Variants in FERMT3 observed in about 807,000 individuals in gnomAD.
FERMT3 encodes FERM domain containing kindlin 3.
In FERMT3, 33 loss-of-function variants were observed where a neutral mutation model predicts 80.8. The observed-to-expected ratio is 0.41, with a 90% CI of 0.31 to 0.55. FERMT3 has a LOEUF of 0.55. Among genes scored for constraint, FERMT3 ranks in the 20% least tolerant of loss-of-function variants. The probability of loss-of-function intolerance (pLI) is 0.31; values close to 1 mark genes in which losing one functional copy is unlikely to be tolerated. For missense variants in FERMT3, 754 were observed against 908.7 expected, an observed-to-expected ratio of 0.83 and a Z score of 2.19; for synonymous variants, 375 against 372.2, an observed-to-expected ratio of 1.01 and a Z score of -0.09.
chr11:64,207,455 T>A lies in FERMT3; in HGVS notation c.91T>A (p.Ser31Thr). ...GGGAGAGGAGGACCCAGAGGCCGAG[T>A]CGGTCACCCTGCGGGTCACTGGGGA... Reference protein sequence around the residue: ...FVGEEDPEAESVTLRVTGESH... With the variant: ...FVGEEDPEAETVTLRVTGESH... Residue 31 changes from serine to threonine, a missense_variant, in exon 2 of 15, where the codon TCG (serine) becomes ACG (threonine). Coordinates refer to ENST00000345728, the MANE Select transcript of FERMT3 (RefSeq NM_031471.6). 6.2e-7 allele frequency: 1 copy of A among 1,613,968 alleles called. No homozygotes were observed. Among genetic ancestry groups the A allele is most frequent in the Non-Finnish European group, 8.5e-7 (1 of 1,179,998 alleles).
At chr11:64,222,614 C>T (rs537152667) in intron 13 of FERMT3, among the ~76,000 whole-genome samples, 3 of 149,584 alleles carry the variant, frequency 2.0e-5, no homozygotes, top group Non-Finnish European at 4.4e-5. Context: ...AGCAGAAGAA[C>T]CAGTTCTTGC....
chr11:64,220,814 C>T (rs1281492185), intron 12 of FERMT3, 145 bp downstream of exon 12: 10 of 1,275,894 alleles, frequency 7.8e-6, no homozygotes, highest in Non-Finnish European at 1.1e-5. Context: ...GGCTGGTACC[C>T]ACCCTTTGGG....
At position 64,219,291 on chromosome 11, in the gene FERMT3, G is replaced by A. The variant is rs777040462; in HGVS notation, c.827G>A (p.Arg276Gln). The change falls in exon 7 of 15, where the codon CGG (arginine) becomes CAG (glutamine). Residue 276 changes from arginine to glutamine, a missense_variant. Coordinates refer to ENST00000345728, the MANE Select transcript of FERMT3 (RefSeq NM_031471.6). The surrounding 1 kb of genome is among the most constrained non-coding windows in gnomAD (Gnocchi z 4.0). ...VRLTQLYEQA[R>Q]WDLLLEEIDC... ...CTGACACAGCTGTATGAGCAGGCCC[G>A]GTGGGACCTGCTGCTGGAGGAGATT... is the stretch of plus-strand genomic sequence containing the variant. The A allele has an allele frequency of 2.2e-5, 36 of 1,608,452 alleles. No homozygotes were observed. Among genetic ancestry groups the A allele is most frequent in the Non-Finnish European group, 3.0e-5 (35 of 1,177,776 alleles).
chr11:64,217,935 G>A (rs905660040), intron 6 of FERMT3, among the ~76,000 whole-genome samples: 4 of 151,706 alleles, frequency 2.6e-5, no homozygotes, highest in South Asian at 2.1e-4. Context: ...AGGCCCTAGC[G>A]CTCTCTGCAT....
Position 64,207,406 on chromosome 11 carries a change from G to T in FERMT3, c.42G>T (p.Ser14=), listed in dbSNP as rs1179556498. The change falls in exon 2 of 15, where the codon TCG becomes TCT. Residue 14 remains serine, a synonymous_variant. Coordinates refer to ENST00000345728, the MANE Select transcript of FERMT3 (RefSeq NM_031471.6). Reference sequence around the variant, plus strand: ...CAGCCTCCGGGGACTACATCGACTCGTCATGGGAGCTGCGGGTGTTTGTGG... The same window carrying T: ...CAGCCTCCGGGGACTACATCGACTCTTCATGGGAGCTGCGGGTGTTTGTGG... The part of the protein sequence containing the change: ...MKTASGDYID[S]SWELRVFVGE... 2.5e-6 allele frequency: 4 copies of T among 1,614,196 alleles called. No individual in the cohort carries two copies. The highest frequency in any genetic ancestry group is 1.3e-5 in the African/African-American group (1 of 75,070).
In FERMT3 at chr11:64,220,212, C is replaced by T; in HGVS notation, c.1205-8C>T. ...CGACCTCCTAGACCACCCCTTCTCT[C>T]CCTCCAGGCTGTGAGGTGGTTCCCG... On this transcript the variant is annotated splice_polypyrimidine_tract_variant and splice_region_variant and intron_variant, in intron 10 of 14. Coordinates refer to ENST00000345728, the MANE Select transcript of FERMT3 (RefSeq NM_031471.6). 4 of 1,613,100 alleles carry T rather than the reference C, an allele frequency of 2.5e-6. No homozygotes were observed. The East Asian group carries it at 6.7e-5, about 27-fold the overall frequency.
In FERMT3 at chr11:64,223,826, C is replaced by G; in HGVS notation, c.*334C>G. 7.8e-7 allele frequency: 1 copy of G among 1,286,260 alleles called. No homozygotes were observed. Among genetic ancestry groups the G allele is most frequent in the Non-Finnish European group, 1.1e-6 (1 of 925,778 alleles). 79.7% of individuals were successfully genotyped at this position (1,286,260 alleles called of 1,614,324 possible). A position where few individuals can be genotyped will look rare whatever the true frequency, so the allele number is the denominator to read the frequency against. On this transcript the variant is annotated 3_prime_UTR_variant, in exon 15 of 15. Transcript: ENST00000345728. ...CAGGATGATGAAACATGGTTTCAAA[C>G]GAGTTCTTTCTTGTTACTTTTTAAA...
In FERMT3 at chr11:64,223,740, A is replaced by G; in HGVS notation, c.*248A>G. ...CCCCCTTTCCTTGTCTGAGTGGCTG[A>G]GGCTGATACCCCTGACCTATCTGCA... On this transcript the variant is annotated 3_prime_UTR_variant, in exon 15 of 15. Transcript: ENST00000345728. 1 of 766,742 alleles carries G rather than the reference A, an allele frequency of 1.3e-6. No individual in the cohort carries two copies. Among genetic ancestry groups the G allele is most frequent in the Non-Finnish European group, 2.1e-6 (1 of 478,672 alleles). The allele number at this position is 766,742 out of a possible 1,614,324, so 47.5% of individuals were successfully genotyped here.
chr11:64,213,169 GGATT>G (rs746722281), intron 6 of FERMT3, among the ~76,000 whole-genome samples: 4 of 151,814 alleles, frequency 2.6e-5, no homozygotes, highest in Non-Finnish European at 5.9e-5. Context: ...AATTCTCCTG[GGATT>G]ACAGGTGTGG....
rs747999447 is a variant in FERMT3, at chr11:64,219,257, C to T, written c.793C>T (p.Pro265Ser). 1.3e-6 allele frequency: 2 copies of T among 1,594,284 alleles called. No individual in the cohort carries two copies. The highest frequency in any genetic ancestry group is 1.7e-6 in the Non-Finnish European group (2 of 1,171,124). Residue 265 changes from proline (P) to serine (S), a missense_variant, in exon 7 of 15, where the codon CCC becomes TCC. Transcript: ENST00000345728. This position sits in a 1 kb window ranked among gnomAD's most constrained non-coding sequence, Gnocchi z 4.0. ...SFFDLDPKTD[P>S]VRLTQLYEQA... ...TCCTCTCCCCCCGCTCCAGACAGAC[C>T]CCGTGCGGCTGACACAGCTGTATGA... is the stretch of plus-strand genomic sequence containing the variant.
At chr11:64,221,967 G>A (rs1187776099) in intron 13 of FERMT3, among the ~76,000 whole-genome samples, 2 of 151,510 alleles carry the variant, frequency 1.3e-5, no homozygotes, top group South Asian at 2.1e-4. Flanking sequence ...GGCGGGGCAC[G>A]GTGGTTCACG....
intron 13 of FERMT3, 84 bp from the exon 14 acceptor site, chr11:64,222,962 GCT>G: frequency 6.3e-7 from 1 of 1,577,888 alleles, no homozygotes; most frequent in Non-Finnish European, 8.7e-7. Context: ...GGAAGGGCTG[GCT>G]CTCCAGCACG....
intron 6 of FERMT3, among the ~76,000 whole-genome samples, chr11:64,217,519 AG>A (rs1946577484): frequency 6.6e-6 from 1 of 152,134 alleles, no homozygotes; most frequent in Non-Finnish European, 1.5e-5. Flanking sequence ...ATTGTACTCC[AG>A]CCTGGGCAAC....
In FERMT3 at chr11:64,211,030, C is replaced by T; in HGVS notation, c.395-22C>T. The T allele has an allele frequency of 6.2e-7, 1 of 1,606,738 alleles. No homozygotes were observed. The highest frequency in any genetic ancestry group is 8.5e-7 in the Non-Finnish European group (1 of 1,176,864). ...AGGCTGCAGCAGGACCTAGTCCCCG[C>T]TGAGACCCTAGCTCCCCTCAGGCAT... On this transcript the variant is annotated intron_variant, in intron 3 of 14. Coordinates refer to ENST00000345728, the MANE Select transcript of FERMT3 (RefSeq NM_031471.6). This position sits in a 1 kb window ranked among gnomAD's most constrained non-coding sequence, Gnocchi z 4.7.
chr11:64,209,114 C>T (rs560734226), intron 2 of FERMT3, among the ~76,000 whole-genome samples: 11 of 152,068 alleles, frequency 7.2e-5, no homozygotes, highest in Admixed American at 1.3e-4. Context: ...GCCTTTGGCG[C>T]GAGTCCGTGT....
In FERMT3 at chr11:64,220,528, C is replaced by A; in HGVS notation, c.1404C>A (p.Ala468=). The change falls in exon 12 of 15, where the codon GCC becomes GCA. Residue 468 remains alanine (A), a synonymous_variant. Transcript: ENST00000345728. ...ADSSYTSEVQ[A]ILAFLSLQRT... ...GCAGCTACACCAGCGAGGTGCAGGC[C>A]ATCCTGGCCTTCCTCAGCCTGCAGC... is the stretch of plus-strand genomic sequence containing the variant. The A allele has an allele frequency of 6.2e-7, 1 of 1,607,960 alleles. No individual in the cohort carries two copies. The highest frequency in any genetic ancestry group is 8.5e-7 in the Non-Finnish European group (1 of 1,177,622).
In FERMT3 at chr11:64,207,416, C is replaced by G. The variant is rs772115690; in HGVS notation, c.52C>G (p.Leu18Val). ...GGACTACATCGACTCGTCATGGGAG[C>G]TGCGGGTGTTTGTGGGAGAGGAGGA... ...SGDYIDSSWE[L>V]RVFVGEEDPE... Residue 18 changes from leucine to valine, a missense_variant, in exon 2 of 15, where the codon CTG becomes GTG. Transcript: ENST00000345728. The G allele has an allele frequency of 5.2e-5, 84 of 1,614,036 alleles. No individual in the cohort carries two copies. Among genetic ancestry groups the G allele is most frequent in the Non-Finnish European group, 6.4e-5 (76 of 1,180,024 alleles).
At chr11:64,218,493 T>C (rs1278279223) in intron 6 of FERMT3, among the ~76,000 whole-genome samples, 1 of 150,798 alleles carries the variant, frequency 6.6e-6, no homozygotes, top group East Asian at 2.0e-4. Flanking sequence ...TTAGTAGAGA[T>C]AGGGTTTCAC....
At chr11:64,212,168 T>C (rs940690022) in intron 6 of FERMT3, among the ~76,000 whole-genome samples, 1 of 152,108 alleles carries the variant, frequency 6.6e-6, no homozygotes, top group Non-Finnish European at 1.5e-5. Flanking sequence ...TGGGGGTGGG[T>C]GAGGAAGGAA....
Sources: gnomAD v4.1 joint callset for allele counts (sites outside exome capture counted in the v4.1 genomes callset) on GRCh38, gnomAD v4.1.1 for gene constraint, Gnocchi (gnomAD v3.1) non-coding constraint, MANE v1.5 for transcripts, NCBI Gene and HGNC (gene_info 2026-07-23, HGNC 2026-07-21) for gene names.